SEMA5A: variants seen among roughly 807,000 people sequenced by gnomAD.
SEMA5A encodes semaphorin 5A, also known as semaphorin-5A.
In SEMA5A, 55 loss-of-function variants were observed where a neutral mutation model predicts 135.5. That is an observed-to-expected ratio of 0.41 (90% CI 0.33 to 0.51). The LOEUF is 0.51. Among genes scored for constraint, SEMA5A ranks in the 20% least tolerant of loss-of-function variants. The probability of loss-of-function intolerance (pLI) is 0.37; values close to 1 mark genes in which losing one functional copy is unlikely to be tolerated. For missense variants in SEMA5A, 1,290 were observed against 1,419.9 expected (o/e 0.91, Z 1.47); for synonymous variants, 580 against 546.5 (o/e 1.06, Z -0.85).
intron 18 of SEMA5A, among the ~76,000 whole-genome samples, chr5:9,060,967 C>T (rs1474587475): frequency 2.6e-5 from 4 of 151,820 alleles, no homozygotes; most frequent in African/African-American, 9.7e-5. Context: ...GAGCCTTCCT[C>T]CCAATTTCCC....
intron 2 of SEMA5A, among the ~76,000 whole-genome samples, chr5:9,407,070 C>A (rs1030948784): frequency 6.6e-6 from 1 of 152,154 alleles, no homozygotes; most frequent in South Asian, 2.1e-4. Context: ...TTGCCTGCTG[C>A]TTTTCATGAG....
chr5:9,242,549 T>C (rs1748257593), intron 5 of SEMA5A, among the ~76,000 whole-genome samples: 1 of 152,158 alleles, frequency 6.6e-6, no homozygotes, highest in African/African-American at 2.4e-5. Context: ...CTCACTGGTA[T>C]GTGGGAGCTA....
At chr5:9,095,312 G>C (rs1204397161) in intron 16 of SEMA5A, among the ~76,000 whole-genome samples, 1 of 151,756 alleles carries the variant, frequency 6.6e-6, no homozygotes, top group Non-Finnish European at 1.5e-5. Flanking sequence ...TGGGTTGATG[G>C]GTGCAGCAAA....
At chr5:9,149,372 G>A (rs1014543358) in intron 12 of SEMA5A, among the ~76,000 whole-genome samples, 4 of 152,172 alleles carry the variant, frequency 2.6e-5, no homozygotes, top group East Asian at 3.9e-4. Flanking sequence ...GGCCAGGTGC[G>A]GTGGCCTATG....
intron 16 of SEMA5A, among the ~76,000 whole-genome samples, chr5:9,077,478 T>C (rs933357271): frequency 1.3e-5 from 2 of 152,180 alleles, no homozygotes; most frequent in Non-Finnish European, 1.5e-5. Context: ...GAAAACAATA[T>C]TGTAACCAAA....
At chr5:9,190,606 G>T in intron 10 of SEMA5A, 135 bp from the exon 11 acceptor site, 1 of 737,530 alleles carries the variant, frequency 1.4e-6, no homozygotes, top group Non-Finnish European at 2.3e-6. Flanking sequence ...AAACATGTCT[G>T]CTTCTCCATC....
At chr5:9,178,675 G>A (rs932610615) in intron 11 of SEMA5A, among the ~76,000 whole-genome samples, 28 of 152,126 alleles carry the variant, frequency 1.8e-4, no homozygotes, top group Admixed American at 1.4e-3. Flanking sequence ...ATAGATAATA[G>A]TTAAAAAGTG....
At chr5:9,282,859 G>A (rs1227502003) in intron 5 of SEMA5A, among the ~76,000 whole-genome samples, 1 of 152,126 alleles carries the variant, frequency 6.6e-6, no homozygotes, top group Non-Finnish European at 1.5e-5. Flanking sequence ...TTCATGGCAA[G>A]GGGGAAAGTT....
At chr5:9,301,869 A>G (rs1751627201) in intron 5 of SEMA5A, among the ~76,000 whole-genome samples, 1 of 152,142 alleles carries the variant, frequency 6.6e-6, no homozygotes, top group South Asian at 2.1e-4. Context: ...ATATGACTTT[A>G]TTCTCTCACA....
rs370235128 is a variant in SEMA5A, at chr5:9,054,414, A to G, written c.2519-157T>C. On this transcript the variant is annotated intron_variant, in intron 18 of 22. Coordinates refer to ENST00000382496, the MANE Select transcript of SEMA5A (RefSeq NM_003966.3). ...TCAGTGCATAGGCACACGTAGCAAC[A>G]AGGCTTCTGACCCCTCGCAGGGCTG... Among the ~76,000 whole-genome samples, 5 of 152,226 alleles carry G rather than the reference A, an allele frequency of 3.3e-5. No individual in the cohort carries two copies. In the South Asian group the frequency reaches 6.2e-4, roughly 19 times the overall value.
chr5:9,369,402 T>TA (rs1324708812), intron 3 of SEMA5A, among the ~76,000 whole-genome samples: 2 of 152,202 alleles, frequency 1.3e-5, no homozygotes, highest in Non-Finnish European at 2.9e-5. Context: ...ATATTCTAGC[T>TA]AAAAAATCTT....
At chr5:9,360,867 A>G (rs1319004748) in intron 3 of SEMA5A, among the ~76,000 whole-genome samples, 1 of 152,220 alleles carries the variant, frequency 6.6e-6, no homozygotes, top group Non-Finnish European at 1.5e-5. Context: ...CTGATTTTCT[A>G]TCTTCTTCAT....
In SEMA5A at chr5:9,334,526, G is replaced by A. The variant is rs150730237; in HGVS notation, c.224+3187C>T. Among the ~76,000 whole-genome samples the A allele has an allele frequency of 8.1e-4, 123 of 152,286 alleles. 6 individuals are homozygous for A. The East Asian group carries it at 0.02, about 25-fold the overall frequency. ...CCTCAGAGCTTCCCTAGGGCTGCGC[G>A]CTCACCAGCCTGCCTGTTAATGTGA... On this transcript the variant is annotated intron_variant, in intron 4 of 22. Transcript: ENST00000382496.
chr5:9,352,529 C>A (rs1427679196), intron 3 of SEMA5A, among the ~76,000 whole-genome samples: 1 of 152,192 alleles, frequency 6.6e-6, no homozygotes, highest in Non-Finnish European at 1.5e-5. Flanking sequence ...GAATTACAGG[C>A]ATGAGCCACC....
chr5:9,430,834 T>G (rs920902725), intron 2 of SEMA5A, among the ~76,000 whole-genome samples: 8 of 152,040 alleles, frequency 5.3e-5, no homozygotes, highest in Admixed American at 1.3e-4. Context: ...TAAACCAAGT[T>G]TTTTTTGTTT....
At chr5:9,433,777 G>C (rs1295682479) in intron 2 of SEMA5A, among the ~76,000 whole-genome samples, 1 of 152,040 alleles carries the variant, frequency 6.6e-6, no homozygotes, top group Non-Finnish European at 1.5e-5. Context: ...TTTGAGTAAT[G>C]ATATTCAAAT....
At chr5:9,116,153 T>C (rs1227603883) in intron 15 of SEMA5A, among the ~76,000 whole-genome samples, 2 of 152,144 alleles carry the variant, frequency 1.3e-5, no homozygotes, top group African/African-American at 4.8e-5. Flanking sequence ...CATGTTTTGA[T>C]TGAAGCCTGC....
chr5:9,330,981 T>A (rs1753105860), intron 4 of SEMA5A, among the ~76,000 whole-genome samples: 1 of 152,186 alleles, frequency 6.6e-6, no homozygotes, highest in African/African-American at 2.4e-5. Context: ...TTACCTGGGA[T>A]CTCTTCCCAC....
At chr5:9,406,092 T>G (rs137887197) in intron 2 of SEMA5A, among the ~76,000 whole-genome samples, 3,113 of 152,262 alleles carry the variant, frequency 0.02, 47 homozygotes, top group Non-Finnish European at 0.03. Context: ...AGGAAGAATT[T>G]GTTAGAAGCA....
Sources: allele counts gnomAD v4.1 joint callset (sites outside exome capture counted in the v4.1 genomes callset), GRCh38; gene constraint gnomAD v4.1.1; transcripts MANE v1.5; gene names NCBI Gene and HGNC (gene_info 2026-07-23, HGNC 2026-07-21).